TESMIN: variants seen among roughly 807,000 people sequenced by gnomAD.
The protein encoded by TESMIN is CXC domain containing 2.
A neutral mutation model predicts 47.4 loss-of-function variants in TESMIN; 34 were observed. That is an observed-to-expected ratio of 0.72 (90% CI 0.55 to 0.96). The LOEUF is 0.96. Among genes scored for constraint, TESMIN ranks in the 40% least tolerant of loss-of-function variants. The probability of loss-of-function intolerance (pLI) is 0.00; values close to 1 mark genes in which losing one functional copy is unlikely to be tolerated. For synonymous variants in TESMIN, 278 were observed against 258.9 expected, an observed-to-expected ratio of 1.07 and a Z score of -0.71; for missense variants, 610 against 637.2, an observed-to-expected ratio of 0.96 and a Z score of 0.46.
intron 6 of TESMIN, chr11:68,737,299 T>G (rs1038583687): frequency 5.1e-6 from 5 of 985,322 alleles, no homozygotes; most frequent in Non-Finnish European, 6.0e-6. Flanking sequence ...GCAAAAGTTG[T>G]CAACAGCCTA....
Position 68,713,426 on chromosome 11 carries a change from C to A in TESMIN, c.1021-19G>T, listed in dbSNP as rs1407993031. On this transcript the variant is annotated intron_variant, in intron 7 of 9. Coordinates refer to ENST00000255087, the MANE Select transcript of TESMIN (RefSeq NM_004923.3). ...GACATGCCTAGGGTAGAATGGGAAG[C>A]TCCATCAGGATGGATTTTATCATTT... 6.2e-7 allele frequency: 1 copy of A among 1,612,974 alleles called. No individual in the cohort carries two copies. The highest frequency in any genetic ancestry group is 8.5e-7 in the Non-Finnish European group (1 of 1,179,442).
chr11:68,737,950 A>AAAACAAAC (rs969537101), intron 6 of TESMIN: 4 of 983,802 alleles, frequency 4.1e-6, no homozygotes, highest in Non-Finnish European at 4.8e-6. Flanking sequence ...AAAACAAGAA[A>AAAACAAAC]AAACAAACAA....
At chr11:68,750,059 T>G (rs1946570260) in intron 2 of TESMIN, 131 bp downstream of exon 2, 1 of 691,156 alleles carries the variant, frequency 1.4e-6, no homozygotes, top group Non-Finnish European at 2.2e-6. Flanking sequence ...AATCAGTGAC[T>G]CCGGTGGGCT....
At chr11:68,722,073 T>G (rs1946210262) in intron 6 of TESMIN, among the ~76,000 whole-genome samples, 1 of 152,108 alleles carries the variant, frequency 6.6e-6, no homozygotes, top group Non-Finnish European at 1.5e-5. Flanking sequence ...ATCCATACAA[T>G]GGAATATTAT....
intron 2 of TESMIN, among the ~76,000 whole-genome samples, chr11:68,749,212 G>A (rs1946559082): frequency 6.6e-6 from 1 of 152,206 alleles, no homozygotes; most frequent in Non-Finnish European, 1.5e-5. Context: ...GAGCTCTATG[G>A]CTCCTCTGAG....
chr11:68,708,797 G>A (rs1946027994), intron 9 of TESMIN, among the ~76,000 whole-genome samples: 1 of 150,690 alleles, frequency 6.6e-6, no homozygotes, highest in African/African-American at 2.4e-5. Context: ...TCTGTTGCCA[G>A]GCTGGAGTGC....
intron 6 of TESMIN, chr11:68,738,365 A>T: frequency 9.8e-7 from 1 of 1,022,594 alleles, no homozygotes; most frequent in Non-Finnish European, 1.2e-6. Context: ...CGACAGCAAA[A>T]AAGAGAGGCC....
chr11:68,709,079 GAAAGA>G (rs1946031842), intron 9 of TESMIN, among the ~76,000 whole-genome samples: 1 of 86,852 alleles, frequency 1.2e-5, no homozygotes, highest in Non-Finnish European at 2.5e-5. Flanking sequence ...AAAAAAAAAA[GAAAGA>G]AAAGAAAAGA....
downstream of TESMIN, among the ~76,000 whole-genome samples, chr11:68,705,584 T>C (rs1355495481): frequency 6.6e-6 from 1 of 152,222 alleles, no homozygotes; most frequent in Non-Finnish European, 1.5e-5. Flanking sequence ...CGCGTGTCAT[T>C]CTAAACAATG....
At chr11:68,717,063 T>C (rs913924709) in intron 6 of TESMIN, among the ~76,000 whole-genome samples, 33 of 152,236 alleles carry the variant, frequency 2.2e-4, no homozygotes, top group Non-Finnish European at 4.6e-4. Flanking sequence ...AAGCTTCCCA[T>C]AGTGCTGCAG....
intron 6 of TESMIN, among the ~76,000 whole-genome samples, chr11:68,734,644 G>C (rs1946366433): frequency 6.6e-6 from 1 of 152,198 alleles, no homozygotes; most frequent in African/African-American, 2.4e-5. Flanking sequence ...CCTCATCTCT[G>C]CAACGCACTG....
At chr11:68,733,638 AT>A (rs1278413046) in intron 6 of TESMIN, 8 of 152,304 alleles carry the variant, frequency 5.3e-5, no homozygotes, top group African/African-American at 1.7e-4. Context: ...ATAATGAAGG[AT>A]TTGTGATTAC....
At chr11:68,746,698 CATAAAGTGGGG>C (rs1946524746) in intron 3 of TESMIN, among the ~76,000 whole-genome samples, 2 of 152,214 alleles carry the variant, frequency 1.3e-5, no homozygotes, top group Admixed American at 1.3e-4. Context: ...GTTTCTTACC[CATAAAGTGGGG>C]ATAAAAAGAA....
At chr11:68,729,326 C>T (rs1180286224) in intron 6 of TESMIN, among the ~76,000 whole-genome samples, 1 of 151,356 alleles carries the variant, frequency 6.6e-6, no homozygotes, top group East Asian at 2.0e-4. Context: ...GAGATTGAGA[C>T]CATCCTGGCC....
chr11:68,737,845 G>A lies in TESMIN; in HGVS notation c.917+855C>T, dbSNP rs1268564480. 1.3e-5 allele frequency: 11 copies of A among 838,678 alleles called. No individual in the cohort carries two copies. The African/African-American group carries it at 1.7e-4, about 13-fold the overall frequency. 52.0% of individuals were successfully genotyped at this position (838,678 alleles called of 1,614,324 possible). A position where few individuals can be genotyped will look rare whatever the true frequency, so the allele number is the denominator to read the frequency against. ...GGAGAATTGCTTGAACCCAGGAGGCGGAGGTTGCAGTGAGCAGAGATCATG... is the reference window on the plus strand; with the variant it reads ...GGAGAATTGCTTGAACCCAGGAGGCAGAGGTTGCAGTGAGCAGAGATCATG... On this transcript the variant is annotated intron_variant, in intron 6 of 9. Coordinates refer to ENST00000255087, the MANE Select transcript of TESMIN (RefSeq NM_004923.3).
chr11:68,726,153 C>T (rs920428053), intron 6 of TESMIN, among the ~76,000 whole-genome samples: 1 of 152,138 alleles, frequency 6.6e-6, no homozygotes, highest in African/African-American at 2.4e-5. Flanking sequence ...GGTAGAAGGT[C>T]TGCTGCAGGA....
chr11:68,735,399 C>T (rs944025844), intron 6 of TESMIN, among the ~76,000 whole-genome samples: 2 of 152,172 alleles, frequency 1.3e-5, no homozygotes, highest in Non-Finnish European at 2.9e-5. Flanking sequence ...AGTGGGGACC[C>T]ACTGTAACTG....
At chr11:68,716,762 C>T (rs534222054) in intron 6 of TESMIN, among the ~76,000 whole-genome samples, 15 of 152,220 alleles carry the variant, frequency 9.9e-5, no homozygotes, top group Admixed American at 2.0e-4. Flanking sequence ...GCAAGGGCGA[C>T]GCTCTCCTTA....
At chr11:68,748,024 G>T (rs1946543817) in intron 2 of TESMIN, among the ~76,000 whole-genome samples, 1 of 152,258 alleles carries the variant, frequency 6.6e-6, no homozygotes, top group Non-Finnish European at 1.5e-5. Flanking sequence ...GGAAACCCAC[G>T]CTTTGCATCC....
Sources: allele counts gnomAD v4.1 joint callset (sites outside exome capture counted in the v4.1 genomes callset), GRCh38; gene constraint gnomAD v4.1.1; transcripts MANE v1.5; gene names NCBI Gene and HGNC (gene_info 2026-07-23, HGNC 2026-07-21).